The following NOS1AP variants were observed in gnomAD, a reference collection of about 807,000 sequenced individuals.
The protein encoded by NOS1AP is nitric oxide synthase 1 adaptor protein.
Under a neutral mutation model 56.2 loss-of-function variants are expected in NOS1AP, and 21 were observed. The observed-to-expected ratio is 0.37, with a 90% CI of 0.26 to 0.54. The LOEUF is 0.54. Among genes scored for constraint, NOS1AP ranks in the 20% least tolerant of loss-of-function variants. NOS1AP has a pLI of 0.84. For missense variants in NOS1AP, 522 were observed against 657.8 expected (o/e 0.79, Z 2.26); for synonymous variants, 270 against 274.6 (o/e 0.98, Z 0.17).
chr1:162,252,031 A>G (rs1349580674), intron 2 of NOS1AP, among the ~76,000 whole-genome samples: 1 of 151,636 alleles, frequency 6.6e-6, no homozygotes, highest in Non-Finnish European at 1.5e-5. Flanking sequence ...TTCAGGGGGT[A>G]AATTCTTTTT....
rs539230885 is a variant in NOS1AP, at chr1:162,075,680, G to A, written c.105+5398G>A. On this transcript the variant is annotated intron_variant, in intron 1 of 9. Transcript: ENST00000361897. ...TAGCAATTCAGATTAAGGGTCTGAT[G>A]TATTTTCTGATGTCATCATTAAGGA... Among the ~76,000 whole-genome samples, 4 of 152,230 alleles carry A rather than the reference G, an allele frequency of 2.6e-5. No individual in the cohort carries two copies. In the South Asian group the frequency reaches 8.3e-4, roughly 32 times the overall value.
At chr1:162,281,748 C>T (rs913316830) in intron 2 of NOS1AP, among the ~76,000 whole-genome samples, 4 of 152,126 alleles carry the variant, frequency 2.6e-5, no homozygotes, top group Non-Finnish European at 5.9e-5. Context: ...GTGGACTTGC[C>T]GTGAGAACAA....
intron 9 of NOS1AP, among the ~76,000 whole-genome samples, chr1:162,366,018 TCA>T (rs1316203005): frequency 6.6e-6 from 1 of 152,148 alleles, no homozygotes; most frequent in East Asian, 1.9e-4. Flanking sequence ...CAAGACTCTG[TCA>T]CACAGAAAAA....
Position 162,287,603 on chromosome 1 carries a change from C to T in NOS1AP, c.270+167C>T, listed in dbSNP as rs372818528. Among the ~76,000 whole-genome samples the T allele has an allele frequency of 1.2e-3, 183 of 152,096 alleles. No individual in the cohort carries two copies. The highest frequency in any genetic ancestry group is 2.9e-3 in the African/African-American group (122 of 41,490). Reference sequence around the variant, plus strand: ...TGACAGGCTGCAGCAGAGTGTAGGGCGAGGCGAGGCCAAAGGCCTAGTCAC... The same window carrying T: ...TGACAGGCTGCAGCAGAGTGTAGGGTGAGGCGAGGCCAAAGGCCTAGTCAC... On this transcript the variant is annotated intron_variant, in intron 3 of 9. Transcript: ENST00000361897.
At chr1:162,133,658 G>A (rs941070008) in intron 1 of NOS1AP, among the ~76,000 whole-genome samples, 16 of 152,154 alleles carry the variant, frequency 1.1e-4, no homozygotes, top group African/African-American at 3.9e-4. Flanking sequence ...TGTGGCATTG[G>A]GTGGTCTTTA....
At chr1:162,220,796 G>A (rs367735727) in intron 2 of NOS1AP, among the ~76,000 whole-genome samples, 6 of 151,960 alleles carry the variant, frequency 3.9e-5, no homozygotes, top group African/African-American at 7.3e-5. Flanking sequence ...TTTTGCATAC[G>A]CTCTTGGAAT....
chr1:162,340,948 T>C (rs994961771), intron 5 of NOS1AP, among the ~76,000 whole-genome samples: 2 of 152,200 alleles, frequency 1.3e-5, no homozygotes, highest in African/African-American at 4.8e-5. Flanking sequence ...GGTGGCAGAA[T>C]AGAGATTTGA....
intron 2 of NOS1AP, among the ~76,000 whole-genome samples, chr1:162,214,265 G>A (rs997749107): frequency 5.4e-5 from 7 of 128,818 alleles, no homozygotes; most frequent in South Asian, 4.7e-4. Context: ...TCATTCGTTC[G>A]TTCGTTCATT....
chr1:162,312,032 G>A (rs1479168675), intron 4 of NOS1AP, among the ~76,000 whole-genome samples: 165 of 143,434 alleles, frequency 1.2e-3, no homozygotes, highest in African/African-American at 3.9e-3. Context: ...GAATAATGCC[G>A]CAATAAACAT....
chr1:162,256,879 A>T (rs969485571), intron 2 of NOS1AP, among the ~76,000 whole-genome samples: 1 of 152,148 alleles, frequency 6.6e-6, no homozygotes, highest in Admixed American at 6.5e-5. Context: ...TGTGTCCCTC[A>T]TTAAGAAATC....
intron 2 of NOS1AP, among the ~76,000 whole-genome samples, chr1:162,162,918 C>G (rs956598062): frequency 6.6e-6 from 1 of 151,988 alleles, no homozygotes. Context: ...GTTTGGGGCG[C>G]GAACCCCAAA....
intron 2 of NOS1AP, among the ~76,000 whole-genome samples, chr1:162,266,924 C>G (rs561140475): frequency 6.6e-6 from 1 of 152,316 alleles, no homozygotes; most frequent in African/African-American, 2.4e-5. Context: ...ATGGAAGACT[C>G]AAACCCTTTG....
At chr1:162,323,944 T>C (rs1477783590) in intron 4 of NOS1AP, among the ~76,000 whole-genome samples, 2 of 152,218 alleles carry the variant, frequency 1.3e-5, no homozygotes, top group Non-Finnish European at 2.9e-5. Context: ...GGGAAGATTT[T>C]GCCTAATGCC....
At chr1:162,283,542 C>CTTCT (rs1654999135) in intron 2 of NOS1AP, among the ~76,000 whole-genome samples, 2 of 152,200 alleles carry the variant, frequency 1.3e-5, no homozygotes, top group Non-Finnish European at 2.9e-5. Context: ...AGCTTTCCAA[C>CTTCT]TTCTCATCGA....
At chr1:162,320,224 G>A (rs889257505) in intron 4 of NOS1AP, among the ~76,000 whole-genome samples, 13 of 152,156 alleles carry the variant, frequency 8.5e-5, no homozygotes, top group African/African-American at 3.1e-4. Context: ...GCTTTTCGGT[G>A]GTGGGGAGAC....
At chr1:162,206,816 A>G (rs1196667600) in intron 2 of NOS1AP, among the ~76,000 whole-genome samples, 1 of 152,172 alleles carries the variant, frequency 6.6e-6, no homozygotes, top group Non-Finnish European at 1.5e-5. Flanking sequence ...TTGAGCCTCG[A>G]TCTCTTTGAG....
intron 1 of NOS1AP, among the ~76,000 whole-genome samples, chr1:162,101,931 T>G (rs1647290170): frequency 6.6e-6 from 1 of 152,190 alleles, no homozygotes; most frequent in Admixed American, 6.5e-5. Context: ...ATCCCCTTTA[T>G]TTCTTTCTCT....
At chr1:162,238,170 A>G (rs756784448) in intron 2 of NOS1AP, among the ~76,000 whole-genome samples, 18 of 152,114 alleles carry the variant, frequency 1.2e-4, no homozygotes, top group Non-Finnish European at 4.4e-5. Context: ...CTGTGTAACA[A>G]TGTGTGGACT....
rs141177521 is a variant in NOS1AP, at chr1:162,221,034, C to T, written c.178-66310C>T. On this transcript the variant is annotated intron_variant, in intron 2 of 9. Transcript: ENST00000361897. ...TTGGCTCACTGCAACCTCCACCTCT[C>T]GGGTTCAAGTGATTCTCCTGCCTCA... 5.3e-5 allele frequency among the ~76,000 whole-genome samples: 8 copies of T among 151,152 alleles called. 1 individual carries two copies. The East Asian group carries it at 9.6e-4, about 18-fold the overall frequency.
Sources: gnomAD v4.1 joint callset for allele counts (sites outside exome capture counted in the v4.1 genomes callset) on GRCh38, gnomAD v4.1.1 for gene constraint, MANE v1.5 for transcripts, NCBI Gene and HGNC (gene_info 2026-07-23, HGNC 2026-07-21) for gene names.